The following NLGN1 variants were observed in gnomAD, a reference collection of about 807,000 sequenced individuals.
NLGN1 encodes the protein neuroligin-1.
In NLGN1, 12 loss-of-function variants were observed where a neutral mutation model predicts 65.5. The observed-to-expected ratio is 0.18, with a 90% CI of 0.12 to 0.30. NLGN1 has a LOEUF of 0.30. NLGN1 is among the 10% of genes least tolerant of loss of function. The pLI is 1.00. For missense variants in NLGN1, 750 were observed against 1,007.1 expected, an observed-to-expected ratio of 0.74 and a Z score of 3.46; for synonymous variants, 350 against 359.5, an observed-to-expected ratio of 0.97 and a Z score of 0.30.
chr3:173,993,317 G>A (rs370442258), intron 4 of NLGN1, among the ~76,000 whole-genome samples: 6 of 152,150 alleles, frequency 3.9e-5, no homozygotes, highest in Admixed American at 3.3e-4. Flanking sequence ...AGTTGTTCAT[G>A]TTGCCATTTG....
intron 3 of NLGN1, among the ~76,000 whole-genome samples, 153 bp from the exon 3 acceptor site, chr3:173,605,381 A>G (rs1450766997): frequency 1.3e-5 from 2 of 152,048 alleles, no homozygotes; most frequent in Non-Finnish European, 2.9e-5. Context: ...AGATGCATCA[A>G]CATTTCCTCA....
chr3:173,610,151 T>C (rs766368912), intron 3 of NLGN1, among the ~76,000 whole-genome samples: 1 of 151,900 alleles, frequency 6.6e-6, no homozygotes, highest in Non-Finnish European at 1.5e-5. Flanking sequence ...ACGGAAGTGA[T>C]AGATTCTTCA....
intron 3 of NLGN1, among the ~76,000 whole-genome samples, chr3:173,655,908 G>T (rs1759952141): frequency 6.6e-6 from 1 of 152,244 alleles, no homozygotes; most frequent in South Asian, 2.1e-4. Context: ...AGCAAGGAAA[G>T]AATGAAGCAA....
At chr3:174,241,862 G>T (rs1021120310) in intron 4 of NLGN1, among the ~76,000 whole-genome samples, 2 of 151,988 alleles carry the variant, frequency 1.3e-5, no homozygotes, top group African/African-American at 4.8e-5. Context: ...GTTTCACCGT[G>T]TTAGCCAGGA....
intron 2 of NLGN1, among the ~76,000 whole-genome samples, chr3:173,514,216 T>A (rs150186242): frequency 3.9e-5 from 6 of 152,324 alleles, no homozygotes; most frequent in African/African-American, 1.4e-4. Context: ...GAAATTTATC[T>A]ATTTTTTGAG....
chr3:173,434,310 A>T (rs1309988092), intron 1 of NLGN1, among the ~76,000 whole-genome samples: 2 of 152,176 alleles, frequency 1.3e-5, no homozygotes, highest in African/African-American at 2.4e-5. Context: ...ATAATACATG[A>T]GTTCTTTGTA....
chr3:174,071,892 C>A (rs1739964748), intron 4 of NLGN1, among the ~76,000 whole-genome samples: 1 of 152,090 alleles, frequency 6.6e-6, no homozygotes, highest in Non-Finnish European at 1.5e-5. Context: ...GGTTTGCTCT[C>A]AAGAAGCTTA....
chr3:173,816,742 C>T (rs986112411), intron 4 of NLGN1, among the ~76,000 whole-genome samples: 3 of 152,242 alleles, frequency 2.0e-5, no homozygotes, highest in Non-Finnish European at 1.5e-5. Flanking sequence ...ACTTCATAGA[C>T]ATCAAACTTT....
chr3:174,096,728 T>C (rs1306076837), intron 4 of NLGN1, among the ~76,000 whole-genome samples: 1 of 152,126 alleles, frequency 6.6e-6, no homozygotes, highest in African/African-American at 2.4e-5. Context: ...GATGTGATCA[T>C]TTTTGAGAAA....
At chr3:174,204,224 G>C (rs1034671492) in intron 4 of NLGN1, among the ~76,000 whole-genome samples, 4 of 151,956 alleles carry the variant, frequency 2.6e-5, no homozygotes, top group African/African-American at 7.3e-5. Flanking sequence ...GTATTTTCTT[G>C]ATAACTTCTA....
chr3:173,440,921 A>T (rs1272679946), intron 2 of NLGN1, among the ~76,000 whole-genome samples: 1 of 152,210 alleles, frequency 6.6e-6, no homozygotes, highest in Non-Finnish European at 1.5e-5. Flanking sequence ...ATCTTCTTCT[A>T]ATAGAAGGCT....
intron 4 of NLGN1, among the ~76,000 whole-genome samples, chr3:174,107,003 CACACACACACACACAG>C (rs1195752825): frequency 8.5e-5 from 10 of 117,000 alleles, no homozygotes; most frequent in African/African-American, 1.2e-4. Flanking sequence ...CACACACACA[CACACACACACACACAG>C]AGAGAGAGAG....
chr3:173,881,406 T>C (rs1303665649), intron 4 of NLGN1, among the ~76,000 whole-genome samples: 1 of 143,676 alleles, frequency 7.0e-6, no homozygotes, highest in African/African-American at 2.6e-5. Flanking sequence ...CAGGCTCCAC[T>C]TCTGCTCCAC....
At chr3:174,099,036 T>C (rs1711769705) in intron 4 of NLGN1, among the ~76,000 whole-genome samples, 1 of 152,204 alleles carries the variant, frequency 6.6e-6, no homozygotes, top group Non-Finnish European at 1.5e-5. Flanking sequence ...GAAATTCTCA[T>C]AGTCATAGTG....
intron 3 of NLGN1, among the ~76,000 whole-genome samples, chr3:173,743,843 T>C (rs56715286): frequency 0.084 from 12,752 of 152,174 alleles, 512 homozygotes; most frequent in Middle Eastern, 0.13. Context: ...AGTTCAATGT[T>C]CAGAGACAGA....
chr3:173,700,932 T>C (rs909267406), intron 3 of NLGN1, among the ~76,000 whole-genome samples: 7 of 152,120 alleles, frequency 4.6e-5, no homozygotes, highest in Non-Finnish European at 1.0e-4. Flanking sequence ...GAGACCATCC[T>C]GGCTAACACG....
At chr3:173,485,033 C>A (rs1560319785) in intron 2 of NLGN1, among the ~76,000 whole-genome samples, 1 of 145,286 alleles carries the variant, frequency 6.9e-6, no homozygotes, top group Non-Finnish European at 1.5e-5. Flanking sequence ...ATTGGACTTA[C>A]AGTTCCACAT....
intron 4 of NLGN1, among the ~76,000 whole-genome samples, chr3:174,040,991 A>G (rs542088303): frequency 6.6e-6 from 1 of 152,118 alleles, no homozygotes; most frequent in East Asian, 1.9e-4. Context: ...TTTTCTTTTG[A>G]TATAAAATAT....
At chr3:173,494,032 C>G (rs1423062231) in intron 2 of NLGN1, among the ~76,000 whole-genome samples, 2 of 151,764 alleles carry the variant, frequency 1.3e-5, no homozygotes, top group East Asian at 1.9e-4. Context: ...CCAGACTTCT[C>G]TGGTTACTTG....
Sources: allele counts gnomAD v4.1 joint callset (sites outside exome capture counted in the v4.1 genomes callset), GRCh38; gene constraint gnomAD v4.1.1; transcripts MANE v1.5; gene names NCBI Gene and HGNC (gene_info 2026-07-23, HGNC 2026-07-21).